SF3A3: variants seen among roughly 807,000 people sequenced by gnomAD.
SF3A3 encodes SAP 61.
A neutral mutation model predicts 85.8 loss-of-function variants in SF3A3; 9 were observed. The observed-to-expected ratio is 0.10, with a 90% CI of 0.06 to 0.18. The LOEUF (loss-of-function observed/expected upper bound fraction) is 0.18, where lower values mean the gene tolerates loss of function less well. SF3A3 is among the 10% of genes least tolerant of loss of function. SF3A3 has a pLI of 1.00. For synonymous variants in SF3A3, 195 were observed against 204.4 expected (o/e 0.95, Z 0.39); for missense variants, 306 against 593.3 (o/e 0.52, Z 5.03).
At chr1:37,983,087 C>G (rs773390637) in intron 6 of SF3A3, among the ~76,000 whole-genome samples, 1 of 151,280 alleles carries the variant, frequency 6.6e-6, no homozygotes, top group Non-Finnish European at 1.5e-5. Flanking sequence ...TACAGGCATG[C>G]GCCACCATGC....
In SF3A3 at chr1:37,969,564, G is replaced by A. The variant is rs1440913275; in HGVS notation, c.1170+7C>T. On this transcript the variant is annotated splice_region_variant and intron_variant, in intron 13 of 16. Coordinates refer to ENST00000373019, the MANE Select transcript of SF3A3 (RefSeq NM_006802.4). The stretch of plus-strand genomic sequence containing the variant: ...AATGGGGAGAAAGTGGTAGTGCTGA[G>A]ACTTACTTTGCCATCCCAGCCAAGT... The A allele has an allele frequency of 6.2e-7, 1 of 1,614,052 alleles. No individual in the cohort carries two copies. The highest frequency in any genetic ancestry group is 1.3e-5 in the African/African-American group (1 of 74,942).
At chr1:37,966,665 G>A (rs897616874) in intron 15 of SF3A3, among the ~76,000 whole-genome samples, 5 of 152,022 alleles carry the variant, frequency 3.3e-5, no homozygotes, top group African/African-American at 4.8e-5. Context: ...AGCTGGGCAC[G>A]GTGGATCACG....
intron 5 of SF3A3, 88 bp from the exon 6 acceptor site, chr1:37,984,348 T>A: frequency 1.3e-6 from 1 of 757,320 alleles, no homozygotes; most frequent in South Asian, 1.6e-5. Context: ...GTTCCTAGTT[T>A]CCTGAGGCAG....
chr1:37,981,858 CTG>C, intron 6 of SF3A3, 47 bp from the exon 7 acceptor site: 1 of 1,078,946 alleles, frequency 9.3e-7, no homozygotes, highest in Non-Finnish European at 1.4e-6. Context: ...GGTATTTATA[CTG>C]TAACAAGTTA....
rs568477056 is a variant in SF3A3, at chr1:37,965,146, G to C, written c.1372+2898C>G. On this transcript the variant is annotated intron_variant, in intron 15 of 16. Coordinates refer to ENST00000373019, the MANE Select transcript of SF3A3 (RefSeq NM_006802.4). ...CATTCCAGCCTGGGCAACAGAGCAA[G>C]ACTCTGTCTCAAAAAAAAATAAAAA... is the stretch of plus-strand genomic sequence containing the variant. Among the ~76,000 whole-genome samples the C allele has an allele frequency of 2.1e-4, 32 of 151,468 alleles. 1 individual carries two copies. The South Asian group carries it at 6.1e-3, about 29-fold the overall frequency.
chr1:37,970,407 A>T (rs1211488996), intron 12 of SF3A3, among the ~76,000 whole-genome samples: 1 of 152,108 alleles, frequency 6.6e-6, no homozygotes, highest in East Asian at 1.9e-4. Flanking sequence ...CACAATAATA[A>T]TGGGAAACTT....
At chr1:37,974,711 T>C (rs1174261344) in intron 12 of SF3A3, among the ~76,000 whole-genome samples, 2 of 152,216 alleles carry the variant, frequency 1.3e-5, no homozygotes, top group African/African-American at 2.4e-5. Flanking sequence ...TGGCACGCTA[T>C]CCTACTTAAG....
Position 37,978,839 on chromosome 1 carries a change from G to A in SF3A3, c.828-12C>T. On this transcript the variant is annotated splice_polypyrimidine_tract_variant and intron_variant, in intron 10 of 16. Transcript: ENST00000373019. ...GCTCTTCTAGGGTCCTAAGGAGACA[G>A]GACGGCAAAGGATTTTAGGGTTACT... 6.4e-7 allele frequency: 1 copy of A among 1,569,608 alleles called. No individual in the cohort carries two copies. The highest frequency in any genetic ancestry group is 8.7e-7 in the Non-Finnish European group (1 of 1,153,292).
At chr1:37,984,903 G>A (rs1646445378) in intron 4 of SF3A3, 124 bp from the exon 5 acceptor site, 1 of 730,982 alleles carries the variant, frequency 1.4e-6, no homozygotes, top group Non-Finnish European at 2.4e-6. Context: ...TACCTCCCGG[G>A]TTCAAGCGAT....
In SF3A3 at chr1:37,974,427, C is replaced by T. The variant is rs1275595260; in HGVS notation, c.1005+2457G>A. Among the ~76,000 whole-genome samples, 6 of 151,542 alleles carry T rather than the reference C, an allele frequency of 4.0e-5. No individual in the cohort carries two copies. The East Asian group carries it at 5.8e-4, about 15-fold the overall frequency. ...ATGCCATTCTCCTGCCTCAGCCTCC[C>T]GAGTAGCTGGGACTACAGATGCCCG... On this transcript the variant is annotated intron_variant, in intron 12 of 16. Coordinates refer to ENST00000373019, the MANE Select transcript of SF3A3 (RefSeq NM_006802.4).
intron 11 of SF3A3, among the ~76,000 whole-genome samples, chr1:37,977,767 C>A (rs11210759): frequency 0.91 from 137,621 of 151,896 alleles, 62,472 homozygotes; most frequent in East Asian, 1. Flanking sequence ...TCAAGCAGGG[C>A]GGTGGAGGTT....
intron 15 of SF3A3, among the ~76,000 whole-genome samples, chr1:37,961,789 A>G (rs1286742742): frequency 6.8e-6 from 1 of 146,626 alleles, no homozygotes; most frequent in East Asian, 2.0e-4. Flanking sequence ...AAAAAGAAAG[A>G]AAGAAAAAAA....
At chr1:37,971,161 C>T (rs1182963400) in intron 12 of SF3A3, among the ~76,000 whole-genome samples, 2 of 151,890 alleles carry the variant, frequency 1.3e-5, no homozygotes, top group African/African-American at 2.4e-5. Flanking sequence ...CAATAAAAAA[C>T]GAAAAAGGAG....
At chr1:37,984,899 C>T (rs550280663) in intron 4 of SF3A3, 120 bp from the exon 5 acceptor site, 44 of 763,288 alleles carry the variant, frequency 5.8e-5, no homozygotes, top group Non-Finnish European at 9.4e-5. Flanking sequence ...CCTCTACCTC[C>T]CGGGTTCAAG....
At chr1:37,977,009 TC>T in intron 11 of SF3A3, 56 bp from the exon 12 acceptor site, 1 of 1,234,286 alleles carries the variant, frequency 8.1e-7, no homozygotes, top group Non-Finnish European at 1.2e-6. Flanking sequence ...ATTGTTTTGT[TC>T]CCTATATCTG....
chr1:37,985,738 C>T (rs1206999343), intron 4 of SF3A3, among the ~76,000 whole-genome samples: 1 of 152,050 alleles, frequency 6.6e-6, no homozygotes, highest in African/African-American at 2.4e-5. Context: ...TTTATTCTCC[C>T]TTGGTTAGCA....
At position 37,956,993 on chromosome 1, in the gene SF3A3, T is replaced by A. The variant is rs1445100106; in HGVS notation, c.*1193A>T. On this transcript the variant is annotated 3_prime_UTR_variant, in exon 17 of 17. Coordinates refer to ENST00000373019, the MANE Select transcript of SF3A3 (RefSeq NM_006802.4). The stretch of plus-strand genomic sequence containing the variant: ...ATTAACATTTTTTTAAAAAGTAGAT[T>A]TATTAAAAAACAGTTGAAGGTCTGA... 1.3e-5 allele frequency: 2 copies of A among 150,374 alleles called. No homozygotes were observed. Among genetic ancestry groups the A allele is most frequent in the South Asian group, 4.1e-4 (2 of 4,820 alleles). The allele number at this position is 150,374 out of a possible 1,614,324, so 9.3% of individuals were successfully genotyped here.
rs758128455 is a variant in SF3A3, at chr1:37,958,283, CTT to C, written c.1429-22_1429-21del. On this transcript the variant is annotated intron_variant, in intron 16 of 16. Transcript: ENST00000373019. ...TTCTTCCTGAAAAGGAAGGGGTACA[CTT>C]TGTTAGACAGCTCTCCTAAAAGAAA... The C allele has an allele frequency of 1.0e-5, 16 of 1,533,864 alleles. No homozygotes were observed. Among genetic ancestry groups the C allele is most frequent in the Non-Finnish European group, 1.1e-5 (12 of 1,106,842 alleles).
At position 37,958,077 on chromosome 1, in the gene SF3A3, T is replaced by C; in HGVS notation, c.*109A>G. ...TTTCTACAAGATGCATGCTAGACCA[T>C]GAGACTACATAGCAAAGGGTCTTTA... is the stretch of plus-strand genomic sequence containing the variant. On this transcript the variant is annotated 3_prime_UTR_variant, in exon 17 of 17. Coordinates refer to ENST00000373019, the MANE Select transcript of SF3A3 (RefSeq NM_006802.4). 5.3e-6 allele frequency: 4 copies of C among 753,524 alleles called. No homozygotes were observed. Among genetic ancestry groups the C allele is most frequent in the Non-Finnish European group, 9.6e-6 (4 of 417,098 alleles). The allele number at this position is 753,524 out of a possible 1,614,324, so 46.7% of individuals were successfully genotyped here.
Sources: allele counts gnomAD v4.1 joint callset (sites outside exome capture counted in the v4.1 genomes callset), GRCh38; gene constraint gnomAD v4.1.1; transcripts MANE v1.5; gene names NCBI Gene and HGNC (gene_info 2026-07-23, HGNC 2026-07-21).